Variants in DLGAP2 observed in about 807,000 individuals in gnomAD.
DLGAP2 encodes disks large-associated protein 2.
Under a neutral mutation model 100.3 loss-of-function variants are expected in DLGAP2, and 26 were observed. The observed-to-expected ratio is 0.26, with a 90% CI of 0.19 to 0.36. DLGAP2 has a LOEUF of 0.36. DLGAP2 is among the 10% of genes least tolerant of loss of function. The probability of loss-of-function intolerance (pLI) is 1.00; values close to 1 mark genes in which losing one functional copy is unlikely to be tolerated. For synonymous variants in DLGAP2, 886 were observed against 630.1 expected (o/e 1.41, Z -6.08); for missense variants, 1,858 against 1,453.2 (o/e 1.28, Z -4.53).
chr8:1,010,427 C>G (rs1026845309), intron 2 of DLGAP2, among the ~76,000 whole-genome samples: 11 of 152,262 alleles, frequency 7.2e-5, no homozygotes, highest in Non-Finnish European at 1.6e-4. Context: ...CATGTGCCCA[C>G]ATATGCACAC....
At chr8:1,087,002 A>G (rs1301480360) in intron 2 of DLGAP2, among the ~76,000 whole-genome samples, 1 of 152,216 alleles carries the variant, frequency 6.6e-6, no homozygotes, top group Non-Finnish European at 1.5e-5. Context: ...ATCATTTGTT[A>G]GGCCAAAAGA....
chr8:1,514,807 G>T (rs1019958496), intron 4 of DLGAP2, among the ~76,000 whole-genome samples: 2 of 152,224 alleles, frequency 1.3e-5, no homozygotes, highest in Non-Finnish European at 2.9e-5. Context: ...GGAAAGGAAG[G>T]CCGGCCTGAG....
At position 1,548,673 on chromosome 8, in the gene DLGAP2, T is replaced by C; in HGVS notation, c.220T>C (p.Tyr74His). ...CACGCAGCACTTCAATGAGGAGCGC[T>C]ACTCGCCCGCGCCCAGGAGCATGAA... is the stretch of plus-strand genomic sequence containing the variant. ...SPTQHFNEER[Y>H]SPAPRSMKGL... The change falls in exon 5 of 15, where the codon TAC (tyrosine) becomes CAC (histidine). Residue 74 changes from tyrosine to histidine, a missense_variant. Tyr to His is a moderately conservative substitution (Grantham distance 83). Coordinates refer to ENST00000637795, the MANE Select transcript of DLGAP2 (RefSeq NM_001346810.2). 2 of 1,598,352 alleles carry C rather than the reference T, an allele frequency of 1.3e-6. No homozygotes were observed. The highest frequency in any genetic ancestry group is 1.1e-5 in the South Asian group (1 of 88,994).
intron 2 of DLGAP2, among the ~76,000 whole-genome samples, chr8:1,070,671 A>G (rs1803400690): frequency 6.6e-6 from 1 of 152,190 alleles, no homozygotes; most frequent in African/African-American, 2.4e-5. Flanking sequence ...ACATACAGAC[A>G]CAAACACTCA....
chr8:1,269,611 C>G (rs868402090), intron 3 of DLGAP2, among the ~76,000 whole-genome samples: 5 of 152,168 alleles, frequency 3.3e-5, no homozygotes, highest in Non-Finnish European at 2.9e-5. Context: ...ATAATGTTAC[C>G]CATTACGAAG....
chr8:1,445,725 A>G (rs543832292), intron 3 of DLGAP2, among the ~76,000 whole-genome samples: 48 of 152,158 alleles, frequency 3.2e-4, no homozygotes, highest in Non-Finnish European at 6.2e-4. Context: ...AAGTGTTCCT[A>G]TTTCTCCACA....
chr8:911,910 G>T (rs1248602621), intron 2 of DLGAP2, among the ~76,000 whole-genome samples: 1 of 152,228 alleles, frequency 6.6e-6, no homozygotes, highest in Non-Finnish European at 1.5e-5. Context: ...GTTCCTAGAT[G>T]ATCTGGCTTC....
intron 3 of DLGAP2, among the ~76,000 whole-genome samples, chr8:1,348,011 T>C (rs1318575573): frequency 7.3e-5 from 11 of 150,638 alleles, no homozygotes; most frequent in African/African-American, 2.4e-4. Context: ...CAGAGCTGCA[T>C]TGCACTCATG....
chr8:1,683,001 ATAGATATTTATTGATTACTTACGACGAAG>A (rs1368402648), intron 12 of DLGAP2, among the ~76,000 whole-genome samples: 1 of 151,416 alleles, frequency 6.6e-6, no homozygotes, highest in Admixed American at 6.6e-5. Context: ...TCTACATTCC[ATAGATATTTATTGATTACTTACGACGAAG>A]CAAGCCACTC....
rs563761373 is a variant in DLGAP2, at chr8:1,172,017, G to C, written c.74-86834G>C. ...ATTTTGGCATGATTTTGCAGTGGCTGGTACTGGTTGTTCCTTTTCATGTTT... is the reference window on the plus strand; with the variant it reads ...ATTTTGGCATGATTTTGCAGTGGCTCGTACTGGTTGTTCCTTTTCATGTTT... On this transcript the variant is annotated intron_variant, in intron 2 of 14. Coordinates refer to ENST00000637795, the MANE Select transcript of DLGAP2 (RefSeq NM_001346810.2). 4.9e-3 allele frequency among the ~76,000 whole-genome samples: 751 copies of C among 152,220 alleles called. 3 individuals carry two copies. The highest frequency in any genetic ancestry group is 8.2e-3 in the Non-Finnish European group (561 of 68,004).
chr8:1,318,262 C>T (rs866670420), intron 3 of DLGAP2, among the ~76,000 whole-genome samples: 12 of 152,276 alleles, frequency 7.9e-5, no homozygotes, highest in Middle Eastern at 3.4e-3. Context: ...TTCTCCAAAT[C>T]GTGGCAACAA....
At chr8:1,059,387 C>T (rs749020218) in intron 2 of DLGAP2, among the ~76,000 whole-genome samples, 4 of 152,128 alleles carry the variant, frequency 2.6e-5, no homozygotes, top group Non-Finnish European at 2.9e-5. Context: ...GCTCTGGAGC[C>T]GCACTCCTGA....
chr8:1,305,857 G>A (rs1255542799), intron 3 of DLGAP2, among the ~76,000 whole-genome samples: 1 of 152,122 alleles, frequency 6.6e-6, no homozygotes, highest in East Asian at 1.9e-4. Context: ...CAGGAACAAG[G>A]CAAGTGTGCC....
At chr8:1,248,340 G>T (rs1798957793) in intron 2 of DLGAP2, 1 of 108,514 alleles carries the variant, frequency 9.2e-6, no homozygotes, top group African/African-American at 4.7e-5. Context: ...GAAGACCTTT[G>T]AGATCAGTGT....
At chr8:1,116,759 C>G (rs938092345) in intron 2 of DLGAP2, among the ~76,000 whole-genome samples, 3 of 152,020 alleles carry the variant, frequency 2.0e-5, no homozygotes, top group Non-Finnish European at 4.4e-5. Flanking sequence ...TGTGATTGTG[C>G]CACTGCACTC....
At chr8:990,039 G>A (rs1176812488) in intron 2 of DLGAP2, among the ~76,000 whole-genome samples, 1 of 152,042 alleles carries the variant, frequency 6.6e-6, no homozygotes, top group African/African-American at 2.4e-5. Flanking sequence ...GTGCCAGCAT[G>A]ATGGCTTCAT....
At chr8:1,008,805 G>A (rs1801195391) in intron 2 of DLGAP2, among the ~76,000 whole-genome samples, 1 of 152,232 alleles carries the variant, frequency 6.6e-6, no homozygotes, top group South Asian at 2.1e-4. Flanking sequence ...GCCCCCACTG[G>A]TGTGCATGGG....
At chr8:1,165,321 G>A (rs561716672) in intron 2 of DLGAP2, among the ~76,000 whole-genome samples, 19 of 152,170 alleles carry the variant, frequency 1.2e-4, no homozygotes, top group African/African-American at 3.4e-4. Flanking sequence ...GAGAGCACGC[G>A]CATACAGCAT....
At chr8:863,638 G>C (rs748297004) in intron 1 of DLGAP2, among the ~76,000 whole-genome samples, 1 of 152,116 alleles carries the variant, frequency 6.6e-6, no homozygotes, top group African/African-American at 2.4e-5. Flanking sequence ...TCAGCACCGC[G>C]GATCATCGGG....
Sources: gnomAD v4.1 joint callset for allele counts (sites outside exome capture counted in the v4.1 genomes callset) on GRCh38, gnomAD v4.1.1 for gene constraint, MANE v1.5 for transcripts, NCBI Gene and HGNC (gene_info 2026-07-23, HGNC 2026-07-21) for gene names.